MTFR1: variants seen among roughly 807,000 people sequenced by gnomAD.
MTFR1 encodes chondrocyte protein with a poly-proline region.
MTFR1 carries 28 observed loss-of-function variants against 38.8 expected under a neutral mutation model. That is an observed-to-expected ratio of 0.72 (90% CI 0.53 to 0.99). MTFR1 has a LOEUF of 0.99. Ranked by LOEUF, MTFR1 falls within the 50% of genes least tolerant of loss-of-function variation. MTFR1 has a pLI of 0.00. For synonymous variants in MTFR1, 145 were observed against 137.0 expected (o/e 1.06, Z -0.41); for missense variants, 358 against 395.5 (o/e 0.91, Z 0.81).
chr8:65,746,931 TA>T (rs1194008693), intron 3 of MTFR1, among the ~76,000 whole-genome samples: 1 of 152,192 alleles, frequency 6.6e-6, no homozygotes, highest in African/African-American at 2.4e-5. Context: ...GGTCTGTAAA[TA>T]TTAAGTCAAA....
intron 3 of MTFR1, chr8:65,734,971 G>A (rs1293828758): frequency 1.6e-5 from 14 of 896,522 alleles, no homozygotes; most frequent in Non-Finnish European, 2.6e-5. Context: ...ATAATTATGA[G>A]TTACCCACTC....
chr8:65,683,098 A>G (rs914501966), intron 3 of MTFR1, among the ~76,000 whole-genome samples: 10 of 125,818 alleles, frequency 7.9e-5, no homozygotes, highest in African/African-American at 2.7e-4. Context: ...AGATATTGCT[A>G]TTTTCCTTGA....
Position 65,727,481 on chromosome 8 carries a change from A to C in MTFR1, c.*48+8000A>C, listed in dbSNP as rs963606713. 5.6e-6 allele frequency: 4 copies of C among 710,504 alleles called. No homozygotes were observed. In the African/African-American group the frequency reaches 7.2e-5, roughly 13 times the overall value. The allele number at this position is 710,504 out of a possible 1,614,324, so 44.0% of individuals were successfully genotyped here. A position where few individuals can be genotyped will look rare whatever the true frequency, so the allele number is the denominator to read the frequency against. The stretch of plus-strand genomic sequence containing the variant: ...ACATCTGCCAGGTCCTGATCTCATC[A>C]CCACACTGGCAAAGCCATGATACAA... On this transcript the variant is annotated intron_variant, in intron 3 of 3. Coordinates refer to the MTFR1 transcript ENST00000521247.
chr8:65,693,818 T>C, intron 4 of MTFR1, 59 bp downstream of exon 4: 1 of 1,277,916 alleles, frequency 7.8e-7, no homozygotes, highest in Non-Finnish European at 1.1e-6. Flanking sequence ...AAGAATGATA[T>C]TATTTGCAGT....
Position 65,662,704 on chromosome 8 carries a change from G to T in MTFR1, c.-80-7169G>T, listed in dbSNP as rs1475974844. Among the ~76,000 whole-genome samples, 8 of 141,440 alleles carry T rather than the reference G, an allele frequency of 5.7e-5. 1 individual carries two copies. Among genetic ancestry groups the T allele is most frequent in the African/African-American group, 2.0e-4 (8 of 39,036 alleles). 92.8% of individuals were successfully genotyped at this position (141,440 alleles called of 152,430 possible). ...TGAGAAGTGAGGAGCCCCTCCGCCC[G>T]GCAGCCACACCGTCTGAGAAGTGAG... On this transcript the variant is annotated intron_variant, in intron 1 of 7. Transcript: ENST00000262146.
chr8:65,707,307 C>CA (rs1237981423), intron 6 of MTFR1, 51 bp downstream of exon 6: 1 of 1,566,224 alleles, frequency 6.4e-7, no homozygotes, highest in Admixed American at 1.8e-5. Flanking sequence ...CTTATAAAAC[C>CA]AAAGTACCAG....
chr8:65,702,925 T>C (rs575225997), intron 4 of MTFR1, among the ~76,000 whole-genome samples: 103 of 152,282 alleles, frequency 6.8e-4, no homozygotes, highest in South Asian at 1.2e-3. Context: ...AGTGTAGTGT[T>C]ATTCTAAGTA....
At chr8:65,668,686 G>A (rs1349573411) in intron 1 of MTFR1, among the ~76,000 whole-genome samples, 2 of 151,440 alleles carry the variant, frequency 1.3e-5, no homozygotes, top group Admixed American at 1.3e-4. Flanking sequence ...GCTAACTTTT[G>A]TATTTTTATT....
At chr8:65,712,652 G>C (rs1805985098), downstream of MTFR1, among the ~76,000 whole-genome samples, 1 of 152,302 alleles carries the variant, frequency 6.6e-6, no homozygotes, top group East Asian at 1.9e-4. Context: ...TAGGTAACCT[G>C]CCTAAGGACC....
At chr8:65,683,273 A>C (rs1229122632) in intron 3 of MTFR1, among the ~76,000 whole-genome samples, 1 of 151,632 alleles carries the variant, frequency 6.6e-6, no homozygotes, top group Admixed American at 6.6e-5. Context: ...CTGGGACTAC[A>C]GGTGCACACC....
At position 65,702,609 on chromosome 8, in the gene MTFR1, T is replaced by TC. The variant is rs749954221; in HGVS notation, c.282-2082dup. Among the ~76,000 whole-genome samples, 9 of 152,324 alleles carry TC rather than the reference T, an allele frequency of 5.9e-5. No homozygotes were observed. In the East Asian group the frequency reaches 1.7e-3, roughly 29 times the overall value. ...AGGAAACTAAATTACCAGTTTTTTT[T>TC]CCCTGGATTCTAGGACAATAGAGTA... On this transcript the variant is annotated intron_variant, in intron 4 of 7. Transcript: ENST00000262146.
chr8:65,647,159 C>T (rs1808982358), intron 1 of MTFR1, among the ~76,000 whole-genome samples: 1 of 152,088 alleles, frequency 6.6e-6, no homozygotes, highest in Non-Finnish European at 1.5e-5. Context: ...CTTTACCAGT[C>T]ATGTGAAAGG....
chr8:65,773,204 C>A (rs1379477010), downstream of MTFR1, among the ~76,000 whole-genome samples: 3 of 152,056 alleles, frequency 2.0e-5, no homozygotes, highest in Non-Finnish European at 4.4e-5. Flanking sequence ...ATTACAATTT[C>A]AAAAAGAATT....
chr8:65,710,889 C>T (rs190986846), downstream of MTFR1, among the ~76,000 whole-genome samples: 157 of 151,924 alleles, frequency 1.0e-3, no homozygotes, highest in African/African-American at 3.6e-3. Flanking sequence ...AAGTAAAAGA[C>T]CTTAAGAATA....
chr8:65,735,113 G>C (rs1046196709), intron 3 of MTFR1, among the ~76,000 whole-genome samples: 2 of 152,070 alleles, frequency 1.3e-5, no homozygotes, highest in Non-Finnish European at 2.9e-5. Context: ...AACAGACTAG[G>C]CTTCGGGGTG....
intron 2 of MTFR1, among the ~76,000 whole-genome samples, chr8:65,677,802 G>T (rs1804757891): frequency 1.3e-5 from 2 of 151,854 alleles, no homozygotes; most frequent in Admixed American, 1.3e-4. Flanking sequence ...TGGATCATGA[G>T]GTCAAGAGAT....
At chr8:65,694,883 A>G (rs1385875348) in intron 4 of MTFR1, among the ~76,000 whole-genome samples, 1 of 152,228 alleles carries the variant, frequency 6.6e-6, no homozygotes, top group Non-Finnish European at 1.5e-5. Context: ...ACCAGGAGAC[A>G]TTGTGGCATG....
rs183607217 is a variant in MTFR1, at chr8:65,675,876, T to C, written c.66+5858T>C. On this transcript the variant is annotated intron_variant, in intron 2 of 7. Transcript: ENST00000262146. ...TACATGCTCACATATCTCCAAACTTTTTATGTCCCTAAGCAAAAATGTTTT... is the reference window on the plus strand; with the variant it reads ...TACATGCTCACATATCTCCAAACTTCTTATGTCCCTAAGCAAAAATGTTTT... Among the ~76,000 whole-genome samples the C allele has an allele frequency of 2.0e-5, 3 of 152,352 alleles. No individual in the cohort carries two copies. In the East Asian group the frequency reaches 5.8e-4, roughly 29 times the overall value.
At chr8:65,692,379 C>G (rs112457580) in intron 3 of MTFR1, among the ~76,000 whole-genome samples, 1 of 152,102 alleles carries the variant, frequency 6.6e-6, no homozygotes, top group African/African-American at 2.4e-5. Context: ...ACCCTGTCAC[C>G]CAGGCTGGAG....
Sources: gnomAD v4.1 joint callset for allele counts (sites outside exome capture counted in the v4.1 genomes callset) on GRCh38, gnomAD v4.1.1 for gene constraint, MANE v1.5 for transcripts, NCBI Gene and HGNC (gene_info 2026-07-23, HGNC 2026-07-21) for gene names.